The following DPH6 variants were observed in gnomAD, a reference collection of about 807,000 sequenced individuals.
DPH6 encodes diphthine--ammonia ligase.
Under a neutral mutation model 38.2 loss-of-function variants are expected in DPH6, and 33 were observed. The ratio of observed to expected loss-of-function variants is 0.86; its 90% CI spans 0.65 to 1.15. The LOEUF is 1.15. DPH6 is among the 50% of genes most tolerant of loss of function. DPH6 has a pLI of 0.00. For synonymous variants in DPH6, 108 were observed against 103.0 expected (o/e 1.05, Z -0.30); for missense variants, 325 against 320.0 (o/e 1.02, Z -0.12).
At chr15:35,468,083 G>A (rs1226428393) in intron 3 of DPH6, among the ~76,000 whole-genome samples, 1 of 152,084 alleles carries the variant, frequency 6.6e-6, no homozygotes, top group Non-Finnish European at 1.5e-5. Context: ...TATTTCATTG[G>A]ATACAAGTAA....
rs1022444716 is a variant in DPH6, at chr15:35,371,785, T to C, written c.*365A>G. 12 of 998,086 alleles carry C rather than the reference T, an allele frequency of 1.2e-5. No individual in the cohort carries two copies. The highest frequency in any genetic ancestry group is 1.4e-5 in the Non-Finnish European group (12 of 838,986). The allele number at this position is 998,086 out of a possible 1,614,324, so 61.8% of individuals were successfully genotyped here. A position where few individuals can be genotyped will look rare whatever the true frequency, so the allele number is the denominator to read the frequency against. ...TTCATTTTCAAATGCCTCTGCATCA[T>C]GACATTATTGGTAGGGATTGGAGCA... On this transcript the variant is annotated 3_prime_UTR_variant, in exon 9 of 9. Coordinates refer to ENST00000256538, the MANE Select transcript of DPH6 (RefSeq NM_080650.4).
chr15:35,280,040 T>C (rs2140435166), intron 3 of DPH6, among the ~76,000 whole-genome samples: 1 of 152,280 alleles, frequency 6.6e-6, no homozygotes. Flanking sequence ...GAAACCAAAT[T>C]GGCTGGCACC....
intron 3 of DPH6, chr15:35,237,238 C>T: frequency 1.7e-6 from 2 of 1,154,822 alleles, no homozygotes; most frequent in East Asian, 2.3e-5. Context: ...CTGAGCGGAG[C>T]TGGTTGAGCC....
chr15:35,275,205 G>A (rs532647710), intron 3 of DPH6, among the ~76,000 whole-genome samples: 8 of 152,138 alleles, frequency 5.3e-5, no homozygotes, highest in Admixed American at 2.0e-4. Flanking sequence ...TTGAGCCACC[G>A]CGCCTGGCTG....
intron 7 of DPH6, among the ~76,000 whole-genome samples, chr15:35,381,543 G>A (rs1469621364): frequency 1.3e-5 from 2 of 152,216 alleles, no homozygotes; most frequent in East Asian, 1.9e-4. Context: ...AAGGATAAAA[G>A]TGTCGGTGTG....
chr15:35,326,568 A>G (rs532850147), downstream of DPH6, among the ~76,000 whole-genome samples: 1 of 152,080 alleles, frequency 6.6e-6, no homozygotes, highest in Non-Finnish European at 1.5e-5. Context: ...AGTAGTAGGG[A>G]CTACAGACAT....
At chr15:35,377,509 A>G (rs62002865) in intron 7 of DPH6, among the ~76,000 whole-genome samples, 41,230 of 152,040 alleles carry the variant, frequency 0.27, 5,840 homozygotes, top group South Asian at 0.38. Flanking sequence ...TTAAGATTTT[A>G]GTTATGAATA....
intron 3 of DPH6, among the ~76,000 whole-genome samples, chr15:35,513,077 ATAACTT>A (rs2054796995): frequency 6.6e-6 from 1 of 152,086 alleles, no homozygotes; most frequent in African/African-American, 2.4e-5. Flanking sequence ...AATGTTTCTG[ATAACTT>A]TAAGTTTAAA....
At chr15:35,298,248 C>A in intron 3 of DPH6, 1 of 531,194 alleles carries the variant, frequency 1.9e-6, no homozygotes, top group South Asian at 1.5e-5. Flanking sequence ...TTCTTAAAAT[C>A]AAACTTGTTC....
At chr15:35,397,113 T>C (rs1390657893) in intron 6 of DPH6, among the ~76,000 whole-genome samples, 1 of 152,240 alleles carries the variant, frequency 6.6e-6, no homozygotes, top group Non-Finnish European at 1.5e-5. Flanking sequence ...GTCTTTCTTG[T>C]TAAAAATGAA....
At chr15:35,424,356 G>T (rs2053542688) in intron 5 of DPH6, among the ~76,000 whole-genome samples, 1 of 151,412 alleles carries the variant, frequency 6.6e-6, no homozygotes, top group South Asian at 2.1e-4. Context: ...TTCCTTTTCA[G>T]ATAGTTTGTT....
intron 5 of DPH6, among the ~76,000 whole-genome samples, chr15:35,432,793 T>C (rs555353027): frequency 3.8e-4 from 58 of 152,094 alleles, no homozygotes; most frequent in Non-Finnish European, 6.6e-4. Context: ...AAGGGTTCAA[T>C]AGGAAAGTCA....
chr15:35,249,580 T>A (rs1003022301), intron 3 of DPH6, among the ~76,000 whole-genome samples: 8 of 152,248 alleles, frequency 5.3e-5, no homozygotes, highest in Admixed American at 3.3e-4. Context: ...TCCACAGTCT[T>A]TATATTGAGA....
At chr15:35,496,751 T>C (rs937997871) in intron 3 of DPH6, among the ~76,000 whole-genome samples, 3 of 151,376 alleles carry the variant, frequency 2.0e-5, no homozygotes, top group Admixed American at 1.3e-4. Flanking sequence ...CCACAATGCA[T>C]AACAGTACAT....
intron 5 of DPH6, among the ~76,000 whole-genome samples, chr15:35,431,920 G>A (rs558057044): frequency 2.0e-4 from 31 of 152,138 alleles, no homozygotes; most frequent in African/African-American, 6.3e-4. Flanking sequence ...CTGGAGTAGC[G>A]GGGACTACAG....
At chr15:35,430,937 G>A (rs1220682629) in intron 5 of DPH6, among the ~76,000 whole-genome samples, 1 of 152,096 alleles carries the variant, frequency 6.6e-6, no homozygotes, top group Admixed American at 6.6e-5. Context: ...AGTTTAGACA[G>A]TGGCTTTTAT....
chr15:35,222,260 T>C (rs1445402376), intron 3 of DPH6, among the ~76,000 whole-genome samples: 1 of 152,242 alleles, frequency 6.6e-6, no homozygotes, highest in East Asian at 1.9e-4. Context: ...ATTTCAAAAC[T>C]GTTCTACCTG....
At chr15:35,212,671 T>G (rs1181737272), downstream of DPH6, among the ~76,000 whole-genome samples, 1 of 152,242 alleles carries the variant, frequency 6.6e-6, no homozygotes, top group Non-Finnish European at 1.5e-5. Context: ...GAAATAGTAC[T>G]TTTTATGATG....
At chr15:35,402,436 A>G (rs1310834512) in intron 6 of DPH6, among the ~76,000 whole-genome samples, 2 of 152,210 alleles carry the variant, frequency 1.3e-5, no homozygotes, top group African/African-American at 4.8e-5. Flanking sequence ...AAGCTTGTAT[A>G]TCATCCATTA....
Sources: gnomAD v4.1 joint callset for allele counts (sites outside exome capture counted in the v4.1 genomes callset) on GRCh38, gnomAD v4.1.1 for gene constraint, MANE v1.5 for transcripts, NCBI Gene and HGNC (gene_info 2026-07-23, HGNC 2026-07-21) for gene names.